DEAF1: variants seen among roughly 807,000 people sequenced by gnomAD.
DEAF1 encodes the protein deformed epidermal autoregulatory factor 1 homolog.
Under a neutral mutation model 58.9 loss-of-function variants are expected in DEAF1, and 53 were observed. The observed-to-expected ratio is 0.90, with a 90% CI of 0.72 to 1.13. DEAF1 has a LOEUF of 1.13. Ranked by LOEUF, DEAF1 falls within the 50% of genes most tolerant of loss-of-function variation. The pLI is 0.00. For missense variants in DEAF1, 685 were observed against 791.4 expected, an observed-to-expected ratio of 0.87 and a Z score of 1.61; for synonymous variants, 385 against 340.4, an observed-to-expected ratio of 1.13 and a Z score of -1.44.
Position 644,353 on chromosome 11 carries a change from AG to A in DEAF1, c.*196del, listed in dbSNP as rs2133261487. ...ATAAAAAATCTGTCCGCGAGCGGGC[AG>A]GGGGCCCGGGCAGGGGGAGTGCGCT... On this transcript the variant is annotated 3_prime_UTR_variant, in exon 12 of 12. Transcript: ENST00000382409. The surrounding 1 kb of genome is among the most constrained non-coding windows in gnomAD (Gnocchi z 4.3). 2 of 631,108 alleles carry A rather than the reference AG, an allele frequency of 3.2e-6. No individual in the cohort carries two copies. The highest frequency in any genetic ancestry group is 1.8e-5 in the South Asian group (1 of 55,418). The allele number at this position is 631,108 out of a possible 1,614,324, so 39.1% of individuals were successfully genotyped here. A position where few individuals can be genotyped will look rare whatever the true frequency, so the allele number is the denominator to read the frequency against.
rs753418722 is a variant in DEAF1 at position 704,516 on chromosome 11, C to T, written c.-438+2056G>A. On this transcript the variant is annotated intron_variant, in intron 1 of 11. Coordinates refer to the DEAF1 transcript ENST00000683307. ...GCGCCTGAGCGCCTCGGGCCACCTC[C>T]CTCACCAGCGCCTGCACTCGCAGAA... The T allele has an allele frequency of 2.9e-5, 37 of 1,289,450 alleles. No homozygotes were observed. The South Asian group carries it at 4.6e-4, about 16-fold the overall frequency. 79.9% of individuals were successfully genotyped at this position (1,289,450 alleles called of 1,614,324 possible). A position where few individuals can be genotyped will look rare whatever the true frequency, so the allele number is the denominator to read the frequency against.
At chr11:695,939 C>T (rs754499828), upstream of DEAF1, 1 of 999,928 alleles carries the variant, frequency 1.0e-6, no homozygotes, top group Non-Finnish European at 1.3e-6. Context: ...TCGGTGCGCT[C>T]ACGGGGCCGT....
At chr11:698,733 G>A (rs1861310847), upstream of DEAF1, 3 of 1,013,896 alleles carry the variant, frequency 3.0e-6, no homozygotes, top group Non-Finnish European at 4.7e-6. Flanking sequence ...CAGGCCCACG[G>A]TATATGTTTG....
intron 10 of DEAF1, among the ~76,000 whole-genome samples, chr11:669,543 G>C (rs943139503): frequency 3.9e-5 from 6 of 151,990 alleles, no homozygotes; most frequent in African/African-American, 1.4e-4. Flanking sequence ...GGCTGAAGCA[G>C]GAGACTCTCT....
In DEAF1 at chr11:694,751, G is replaced by A. The variant is rs984340885; in HGVS notation, c.289+8C>T. 7.0e-6 allele frequency: 9 copies of A among 1,292,742 alleles called. No individual in the cohort carries two copies. Among genetic ancestry groups the A allele is most frequent in the Non-Finnish European group, 7.8e-6 (8 of 1,025,092 alleles). The allele number at this position is 1,292,742 out of a possible 1,614,324, so 80.1% of individuals were successfully genotyped here. ...CGGACGAGGCGAGAGGCCGGCGGGC[G>A]CACTTGCCTGCGAAGGCTGCGGCAG... On this transcript the variant is annotated splice_region_variant and intron_variant, in intron 1 of 11. Transcript: ENST00000382409.
upstream of DEAF1, among the ~76,000 whole-genome samples, chr11:697,305 T>C (rs1861241987): frequency 6.6e-6 from 1 of 152,198 alleles, no homozygotes; most frequent in Non-Finnish European, 1.5e-5. Flanking sequence ...ATCTTGTCCA[T>C]TACATCAGGG....
In DEAF1 at chr11:694,763, G is replaced by A. The variant is rs1861032229; in HGVS notation, c.285C>T (p.Phe95=). 2 of 1,302,144 alleles carry A rather than the reference G, an allele frequency of 1.5e-6. No homozygotes were observed. Among genetic ancestry groups the A allele is most frequent in the Non-Finnish European group, 1.9e-6 (2 of 1,030,600 alleles). 80.7% of individuals were successfully genotyped at this position (1,302,144 alleles called of 1,614,324 possible). A position where few individuals can be genotyped will look rare whatever the true frequency, so the allele number is the denominator to read the frequency against. ...GAGGCCGGCGGGCGCACTTGCCTGC[G>A]AAGGCTGCGGCAGCGGCGGCCTCGT... ...GPDEAAAAAA[F]AEVTTVTVAN... Residue 95 remains phenylalanine (F), a synonymous_variant, in exon 1 of 12, where the codon TTC becomes TTT. Coordinates refer to ENST00000382409, the MANE Select transcript of DEAF1 (RefSeq NM_021008.4).
At chr11:686,800 C>A in intron 5 of DEAF1, 58 bp downstream of exon 5, 1 of 1,611,152 alleles carries the variant, frequency 6.2e-7, no homozygotes, top group South Asian at 1.1e-5. Flanking sequence ...GCTGGGCCGC[C>A]TCAGAGGGCC....
chr11:692,771 G>A (rs1435698871), intron 1 of DEAF1, among the ~76,000 whole-genome samples: 1 of 151,942 alleles, frequency 6.6e-6, no homozygotes, highest in East Asian at 1.9e-4. Flanking sequence ...AGAATCACTT[G>A]AACCCGGGAG....
At chr11:684,614 G>A (rs937967125) in intron 6 of DEAF1, among the ~76,000 whole-genome samples, 6 of 152,194 alleles carry the variant, frequency 3.9e-5, no homozygotes, top group African/African-American at 1.4e-4. Flanking sequence ...TAGTTTTAGA[G>A]TTAAGGCGGT....
chr11:704,972 C>G, intron 1 of DEAF1: 1 of 318,348 alleles, frequency 3.1e-6, no homozygotes, highest in Non-Finnish European at 6.2e-6. Context: ...CAAGCTCATG[C>G]ATGGAGCAGG....
At position 644,555 on chromosome 11, in the gene DEAF1, C is replaced by T. The variant is rs769130155; in HGVS notation, c.1693G>A (p.Val565Met). ...CCAGGGCGGCCGATGGAGCCTCACA[C>T]GGTCACCTTCTCCATCACGCTTTCA... ...VAESVMEKVT[V>M] The change falls in exon 12 of 12, where the codon GTG becomes ATG. Residue 565 changes from valine to methionine, a missense_variant. Physicochemically the swap from Val to Met is conservative, Grantham distance 21 (BLOSUM62 1). Coordinates refer to ENST00000382409, the MANE Select transcript of DEAF1 (RefSeq NM_021008.4). The surrounding 1 kb of genome is among the most constrained non-coding windows in gnomAD (Gnocchi z 4.3). The T allele has an allele frequency of 1.5e-5, 24 of 1,612,290 alleles. No individual in the cohort carries two copies. Among genetic ancestry groups the T allele is most frequent in the African/African-American group, 2.7e-5 (2 of 74,918 alleles).
At chr11:661,398 A>ATT (rs530845985) in intron 10 of DEAF1, among the ~76,000 whole-genome samples, 5 of 145,566 alleles carry the variant, frequency 3.4e-5, no homozygotes, top group African/African-American at 7.5e-5. Flanking sequence ...GCTACATTTG[A>ATT]TTTTTTTTTT....
intron 1 of DEAF1, chr11:704,045 A>G (rs1861616590): frequency 7.7e-6 from 9 of 1,166,088 alleles, no homozygotes; most frequent in Middle Eastern, 3.5e-4. Flanking sequence ...TGTGTTTTCT[A>G]TGTTTGGAAT....
chr11:653,371 T>G (rs561296625), intron 11 of DEAF1, among the ~76,000 whole-genome samples: 17 of 146,938 alleles, frequency 1.2e-4, no homozygotes, highest in African/African-American at 3.8e-4. Context: ...GTGGACGCTC[T>G]CTCTCGCGTG....
chr11:695,843 C>T (rs1590030077), upstream of DEAF1: 4 of 1,229,502 alleles, frequency 3.3e-6, no homozygotes, highest in East Asian at 6.3e-5. Context: ...GGCCCCGCGG[C>T]GAGGTGAGCT....
chr11:673,563 T>C (rs1020104123), intron 10 of DEAF1, among the ~76,000 whole-genome samples: 3 of 152,010 alleles, frequency 2.0e-5, no homozygotes, highest in Non-Finnish European at 4.4e-5. Flanking sequence ...AGAAAAGAAA[T>C]GGGGGAAAAC....
intron 10 of DEAF1, among the ~76,000 whole-genome samples, chr11:657,885 C>T (rs560351879): frequency 1.3e-5 from 2 of 152,184 alleles, no homozygotes; most frequent in East Asian, 3.9e-4. Flanking sequence ...AAATGGTGCA[C>T]GGGAGGCTGT....
chr11:646,013 G>C (rs1408559923), intron 11 of DEAF1, among the ~76,000 whole-genome samples: 1 of 152,084 alleles, frequency 6.6e-6, no homozygotes, highest in Non-Finnish European at 1.5e-5. Flanking sequence ...ATCATGTTGG[G>C]AGGCCGAGGT....
Sources: gnomAD v4.1 joint callset for allele counts (sites outside exome capture counted in the v4.1 genomes callset) on GRCh38, gnomAD v4.1.1 for gene constraint, Gnocchi (gnomAD v3.1) non-coding constraint, MANE v1.5 for transcripts, NCBI Gene and HGNC (gene_info 2026-07-23, HGNC 2026-07-21) for gene names.